PDGFD: variants seen among roughly 807,000 people sequenced by gnomAD.
PDGFD encodes platelet-derived growth factor D.
Under a neutral mutation model 44.7 loss-of-function variants are expected in PDGFD, and 30 were observed. The ratio of observed to expected loss-of-function variants is 0.67; its 90% CI spans 0.50 to 0.91. The LOEUF is 0.91. Ranked by LOEUF, PDGFD falls within the 40% of genes least tolerant of loss-of-function variation. The pLI is 0.00. For synonymous variants in PDGFD, 173 were observed against 168.4 expected (o/e 1.03, Z -0.21); for missense variants, 445 against 457.8 (o/e 0.97, Z 0.25).
At chr11:103,945,245 G>C (rs1858651818) in intron 4 of PDGFD, among the ~76,000 whole-genome samples, 1 of 152,076 alleles carries the variant, frequency 6.6e-6, no homozygotes, top group Non-Finnish European at 1.5e-5. Flanking sequence ...TGTTCCTTCT[G>C]TTTCTGATAG....
At chr11:103,998,306 C>A (rs1859567408) in intron 2 of PDGFD, among the ~76,000 whole-genome samples, 1 of 152,130 alleles carries the variant, frequency 6.6e-6, no homozygotes, top group African/African-American at 2.4e-5. Flanking sequence ...AGAATGGAGG[C>A]TCATCACCAG....
intron 1 of PDGFD, among the ~76,000 whole-genome samples, chr11:104,045,275 T>C (rs1342287638): frequency 6.6e-6 from 1 of 152,168 alleles, no homozygotes; most frequent in African/African-American, 2.4e-5. Context: ...ATAGGAGATA[T>C]TACCTTATTT....
At chr11:104,040,863 T>A (rs1323760400) in intron 1 of PDGFD, among the ~76,000 whole-genome samples, 1 of 152,170 alleles carries the variant, frequency 6.6e-6, no homozygotes, top group African/African-American at 2.4e-5. Flanking sequence ...TAATAGGATA[T>A]GTTTTATCAT....
intron 1 of PDGFD, among the ~76,000 whole-genome samples, chr11:104,117,576 T>C (rs1217706064): frequency 6.6e-6 from 1 of 152,006 alleles, no homozygotes; most frequent in East Asian, 1.9e-4. Flanking sequence ...GTAGCTCTTC[T>C]ATACACCAAA....
At chr11:104,033,878 G>C (rs1488734980) in intron 1 of PDGFD, among the ~76,000 whole-genome samples, 1 of 152,138 alleles carries the variant, frequency 6.6e-6, no homozygotes, top group Non-Finnish European at 1.5e-5. Flanking sequence ...AGGGTGCAAA[G>C]AACCATAACA....
intron 6 of PDGFD, among the ~76,000 whole-genome samples, chr11:103,913,069 A>G (rs758904383): frequency 6.6e-5 from 10 of 152,138 alleles, no homozygotes; most frequent in Non-Finnish European, 1.0e-4. Context: ...TTAACACCCC[A>G]CTGCCAATAT....
chr11:103,947,697 C>T lies in PDGFD; in HGVS notation c.538G>A (p.Glu180Lys), dbSNP rs1858685849. The T allele has an allele frequency of 1.2e-6, 2 of 1,613,694 alleles. No homozygotes were observed. The highest frequency in any genetic ancestry group is 1.7e-6 in the Non-Finnish European group (2 of 1,179,696). ...LEDFQPAAAS[E>K]TNWESVTSSI... ...CTTGTGACAGATTCCCAGTTGGTCT[C>T]TGAAGCTGCTGCGGGTTGGAAATCT... Residue 180 changes from glutamate to lysine, a missense_variant, in exon 4 of 7, where the codon GAG becomes AAG. By Grantham distance (56) the Glu-to-Lys change is moderately conservative. Transcript: ENST00000393158.
At chr11:104,145,592 A>C (rs1862150603) in intron 1 of PDGFD, among the ~76,000 whole-genome samples, 1 of 152,216 alleles carries the variant, frequency 6.6e-6, no homozygotes, top group Non-Finnish European at 1.5e-5. Flanking sequence ...AAGTAGAGAA[A>C]ACCTTAAAGA....
At chr11:104,099,633 A>AAAT (rs1267811586) in intron 1 of PDGFD, among the ~76,000 whole-genome samples, 1 of 88,976 alleles carries the variant, frequency 1.1e-5, no homozygotes, top group African/African-American at 4.5e-5. Context: ...ACTGTTTCAA[A>AAAT]AACAATAATA....
chr11:103,985,644 T>C (rs917896060), intron 3 of PDGFD, among the ~76,000 whole-genome samples: 3 of 151,942 alleles, frequency 2.0e-5, no homozygotes, highest in Non-Finnish European at 2.9e-5. Flanking sequence ...AGGGAATAGT[T>C]CTGTTTGTCT....
At chr11:104,103,448 ATG>A (rs377722057) in intron 1 of PDGFD, among the ~76,000 whole-genome samples, 2 of 123,142 alleles carry the variant, frequency 1.6e-5, no homozygotes, top group Admixed American at 9.2e-5. Context: ...ACAGACAATT[ATG>A]TGTGTGTGTG....
intron 3 of PDGFD, among the ~76,000 whole-genome samples, chr11:103,993,080 T>C (rs558338080): frequency 6.6e-6 from 1 of 152,072 alleles, no homozygotes; most frequent in Non-Finnish European, 1.5e-5. Context: ...TGTTTGTTTG[T>C]TTGTTTTTAG....
intron 3 of PDGFD, among the ~76,000 whole-genome samples, chr11:103,966,277 T>C (rs1296222441): frequency 1.3e-5 from 2 of 152,200 alleles, no homozygotes; most frequent in African/African-American, 2.4e-5. Flanking sequence ...TTAAGAAAGC[T>C]AGCTATTTGC....
intron 1 of PDGFD, chr11:104,037,710 G>A (rs1235814952): frequency 6.2e-7 from 1 of 1,613,998 alleles, no homozygotes; most frequent in Non-Finnish European, 8.5e-7. Context: ...TGGGCACACA[G>A]AGAATTATTG....
At chr11:104,149,873 T>C (rs151282356) in intron 1 of PDGFD, among the ~76,000 whole-genome samples, 28 of 152,230 alleles carry the variant, frequency 1.8e-4, no homozygotes, top group African/African-American at 6.3e-4. Context: ...AATGTTACAA[T>C]GAAATGATGG....
intron 1 of PDGFD, among the ~76,000 whole-genome samples, chr11:104,135,824 G>T (rs957443305): frequency 2.0e-5 from 3 of 152,164 alleles, no homozygotes; most frequent in African/African-American, 7.2e-5. Context: ...ATGAGCTGAG[G>T]TGTCTATAAG....
intron 3 of PDGFD, among the ~76,000 whole-genome samples, chr11:103,987,883 G>T (rs1430681858): frequency 6.6e-6 from 1 of 152,112 alleles, no homozygotes; most frequent in Non-Finnish European, 1.5e-5. Flanking sequence ...GAGGTTAAAT[G>T]CCTGTCTTTC....
intron 1 of PDGFD, among the ~76,000 whole-genome samples, chr11:104,068,303 G>C (rs1421842654): frequency 6.6e-6 from 1 of 152,130 alleles, no homozygotes; most frequent in Non-Finnish European, 1.5e-5. Context: ...TTTGTTTCTT[G>C]AATACTGCAG....
rs1054791313 is a variant in PDGFD, at chr11:104,120,115, T to C, written c.124+43689A>G. On this transcript the variant is annotated intron_variant, in intron 1 of 6. Coordinates refer to ENST00000393158, the MANE Select transcript of PDGFD (RefSeq NM_025208.5). ...GTTGTGGAAAGTCAAGGCTGACTTA[T>C]AGCACTTTCTTTCAGTTTTTCTTCC... is the stretch of plus-strand genomic sequence containing the variant. Among the ~76,000 whole-genome samples the C allele has an allele frequency of 4.6e-5, 7 of 150,736 alleles. No individual in the cohort carries two copies. In the East Asian group the frequency reaches 5.8e-4, roughly 12 times the overall value.
Sources: allele counts gnomAD v4.1 joint callset (sites outside exome capture counted in the v4.1 genomes callset), GRCh38; gene constraint gnomAD v4.1.1; transcripts MANE v1.5; gene names NCBI Gene and HGNC (gene_info 2026-07-23, HGNC 2026-07-21).